Variants in TENM2 observed in about 807,000 individuals in gnomAD.
TENM2 encodes teneurin transmembrane protein 2, also known as teneurin-2.
TENM2 carries 52 observed loss-of-function variants against 245.2 expected under a neutral mutation model. That is an observed-to-expected ratio of 0.21 (90% CI 0.17 to 0.27). TENM2 has a LOEUF of 0.27. Ranked by LOEUF, TENM2 falls within the 10% of genes least tolerant of loss-of-function variation. TENM2 has a pLI of 1.00. For synonymous variants in TENM2, 1,363 were observed against 1,438.9 expected (o/e 0.95, Z 1.19); for missense variants, 3,046 against 3,666.8 (o/e 0.83, Z 4.37).
chr5:167,278,979 T>A, the TENM2 span, among the ~76,000 whole-genome samples: 1 of 152,220 alleles, frequency 6.6e-6, no homozygotes, highest in Non-Finnish European at 1.5e-5. Context: ...GTTGACCAAG[T>A]CTCTTAATTG....
rs202141198 is a variant in TENM2 at position 167,343,686 on chromosome 5, A to AT, written c.227-31506dup. Among the ~76,000 whole-genome samples the AT allele has an allele frequency of 6.2e-3, 940 of 152,298 alleles. 16 individuals carry two copies. Among genetic ancestry groups the AT allele is most frequent in the African/African-American group, 0.022 (897 of 41,566 alleles). On this transcript the variant is annotated intron_variant, in intron 1 of 28. Coordinates refer to ENST00000518659, the Ensembl canonical transcript of TENM2. ...ATTGATAACTAAATACTTGTACTGC[A>AT]TTTTTTAAAAAAATGAATTAACACA...
intron 12 of TENM2, among the ~76,000 whole-genome samples, chr5:168,136,107 G>T (rs1279946901): frequency 6.6e-6 from 1 of 152,116 alleles, no homozygotes; most frequent in African/African-American, 2.4e-5. Context: ...ACCGAGCTGG[G>T]GTAAGAGTCA....
At chr5:167,716,758 T>C (rs1288671884) in intron 2 of TENM2, among the ~76,000 whole-genome samples, 2 of 152,082 alleles carry the variant, frequency 1.3e-5, no homozygotes. Flanking sequence ...GACACAAGCA[T>C]TACTATGCCT....
intron 2 of TENM2, among the ~76,000 whole-genome samples, chr5:167,721,824 G>A (rs149791485): frequency 1.3e-5 from 2 of 152,236 alleles, no homozygotes; most frequent in African/African-American, 2.4e-5. Context: ...TCTGCCCACC[G>A]TGCTTTATTT....
intron 24 of TENM2, among the ~76,000 whole-genome samples, chr5:168,227,629 T>TTAA (rs143169179): frequency 1.2e-4 from 18 of 152,234 alleles, no homozygotes; most frequent in African/African-American, 4.3e-4. Flanking sequence ...AAACGTGCTA[T>TTAA]TAATAGTCTT....
At chr5:167,266,052 A>G in the TENM2 span, among the ~76,000 whole-genome samples, 2 of 152,216 alleles carry the variant, frequency 1.3e-5, no homozygotes, top group African/African-American at 4.8e-5. Context: ...GAAAAGGTAT[A>G]GAGACTCAAT....
At chr5:167,294,270 C>A (rs1754822879) in intron 1 of TENM2, 1 of 152,086 alleles carries the variant, frequency 6.6e-6, no homozygotes, top group South Asian at 2.1e-4. Context: ...TGGAGGTATC[C>A]TGTAGGCTCT....
intron 2 of TENM2, among the ~76,000 whole-genome samples, chr5:167,431,955 ATATATG>A (rs1764264735): frequency 1.8e-5 from 1 of 54,578 alleles, no homozygotes; most frequent in Non-Finnish European, 4.4e-5. Flanking sequence ...ATATGTATAT[ATATATG>A]TATATATATA....
chr5:167,771,060 A>T (rs1763369631), intron 2 of TENM2, among the ~76,000 whole-genome samples: 1 of 152,130 alleles, frequency 6.6e-6, no homozygotes, highest in Non-Finnish European at 1.5e-5. Context: ...AGAATAAAAG[A>T]AGAAAGGAGA....
chr5:168,038,359 A>G (rs1379738367), intron 5 of TENM2, among the ~76,000 whole-genome samples: 1 of 152,048 alleles, frequency 6.6e-6, no homozygotes, highest in East Asian at 1.9e-4. Context: ...GATCCTCACC[A>G]CTTTTGCACC....
chr5:167,452,100 T>C (rs769280083), intron 2 of TENM2, among the ~76,000 whole-genome samples: 1 of 152,176 alleles, frequency 6.6e-6, no homozygotes, highest in Non-Finnish European at 1.5e-5. Flanking sequence ...TAGTGACTTA[T>C]TAAAAAAATA....
chr5:167,421,638 G>A (rs1763512474), intron 2 of TENM2, among the ~76,000 whole-genome samples: 1 of 152,124 alleles, frequency 6.6e-6, no homozygotes, highest in South Asian at 2.1e-4. Flanking sequence ...ACGTCCATTA[G>A]CTCTGTGGAC....
At chr5:167,102,290 T>C in the TENM2 span, among the ~76,000 whole-genome samples, 1 of 152,106 alleles carries the variant, frequency 6.6e-6, no homozygotes. Flanking sequence ...TGATAGCATA[T>C]TGAGCAAAAG....
chr5:168,074,081 A>G (rs1052807370), intron 7 of TENM2, among the ~76,000 whole-genome samples: 1 of 152,164 alleles, frequency 6.6e-6, no homozygotes, highest in Non-Finnish European at 1.5e-5. Context: ...TGGGAATCCC[A>G]TTCTGAAACA....
the TENM2 span, among the ~76,000 whole-genome samples, chr5:167,000,868 TA>T: frequency 6.6e-6 from 1 of 152,180 alleles, no homozygotes; most frequent in Non-Finnish European, 1.5e-5. Flanking sequence ...TTTACTTATG[TA>T]AAAACCTTCT....
At chr5:167,444,010 A>G (rs1003822964) in intron 2 of TENM2, among the ~76,000 whole-genome samples, 5 of 152,088 alleles carry the variant, frequency 3.3e-5, no homozygotes, top group African/African-American at 9.7e-5. Context: ...ATATTAGCAT[A>G]TTCATTGGCA....
chr5:167,966,706 T>C (rs1290114000), intron 4 of TENM2, among the ~76,000 whole-genome samples: 2 of 152,212 alleles, frequency 1.3e-5, no homozygotes, highest in Non-Finnish European at 2.9e-5. Flanking sequence ...TACCTAAGGA[T>C]TAATTTTCTG....
chr5:167,100,367 C>T, the TENM2 span, among the ~76,000 whole-genome samples: 6 of 152,178 alleles, frequency 3.9e-5, no homozygotes, highest in South Asian at 1.0e-3. Context: ...CTCCTGGTCC[C>T]GAGAGACCTG....
intron 2 of TENM2, among the ~76,000 whole-genome samples, chr5:167,442,794 T>C (rs1764944978): frequency 6.6e-6 from 1 of 152,098 alleles, no homozygotes; most frequent in Non-Finnish European, 1.5e-5. Flanking sequence ...GGTTAAAAAA[T>C]TGCATAATAT....
Sources: allele counts gnomAD v4.1 joint callset (sites outside exome capture counted in the v4.1 genomes callset), GRCh38; gene constraint gnomAD v4.1.1; transcripts MANE v1.5; gene names NCBI Gene and HGNC (gene_info 2026-07-23, HGNC 2026-07-21).